Variants in FHIT observed in about 807,000 individuals in gnomAD.
The protein encoded by FHIT is bis(5'-adenosyl)-triphosphatase.
Under a neutral mutation model 17.9 loss-of-function variants are expected in FHIT, and 19 were observed. The observed-to-expected ratio is 1.06, with a 90% CI of 0.74 to 1.56. The LOEUF (loss-of-function observed/expected upper bound fraction) is 1.56, where lower values mean the gene tolerates loss of function less well. Ranked by LOEUF, FHIT falls within the 40% of genes most tolerant of loss-of-function variation. The pLI, the probability that FHIT is intolerant of heterozygous loss-of-function variation, is 0.00. For missense variants in FHIT, 248 were observed against 189.2 expected (o/e 1.31, Z -1.82); for synonymous variants, 81 against 69.7 (o/e 1.16, Z -0.81).
At chr3:60,485,184 A>G (rs1576739900) in intron 5 of FHIT, among the ~76,000 whole-genome samples, 1 of 152,196 alleles carries the variant, frequency 6.6e-6, no homozygotes, top group African/African-American at 2.4e-5. Flanking sequence ...GAGAAATTAG[A>G]ATGCTTTTAC....
At chr3:60,923,991 G>C (rs1165241067) in intron 3 of FHIT, among the ~76,000 whole-genome samples, 2 of 152,182 alleles carry the variant, frequency 1.3e-5, no homozygotes, top group Admixed American at 1.3e-4. Context: ...CAAAGTGTAA[G>C]GCGGCAGCGA....
intron 5 of FHIT, among the ~76,000 whole-genome samples, chr3:60,491,106 T>G (rs1194479726): frequency 2.0e-5 from 3 of 152,178 alleles, no homozygotes; most frequent in Non-Finnish European, 4.4e-5. Context: ...AGTTGTGCAT[T>G]AGAAACAGGT....
intron 4 of FHIT, among the ~76,000 whole-genome samples, chr3:60,564,489 C>G (rs1382896986): frequency 1.3e-5 from 2 of 152,102 alleles, no homozygotes; most frequent in African/African-American, 2.4e-5. Flanking sequence ...TCTGATGGAT[C>G]TGGGCAAAGT....
At chr3:60,532,694 C>G (rs374787762) in intron 5 of FHIT, among the ~76,000 whole-genome samples, 1 of 152,202 alleles carries the variant, frequency 6.6e-6, no homozygotes, top group Non-Finnish European at 1.5e-5. Flanking sequence ...GGAACAGAAG[C>G]GTTTGCTTCA....
intron 4 of FHIT, among the ~76,000 whole-genome samples, chr3:60,563,965 C>G (rs1243941508): frequency 1.3e-5 from 2 of 152,144 alleles, no homozygotes; most frequent in African/African-American, 4.8e-5. Context: ...ACAAAACAGC[C>G]TTCTATTGGA....
chr3:60,399,061 T>A (rs1012685952), intron 5 of FHIT, among the ~76,000 whole-genome samples: 7 of 152,202 alleles, frequency 4.6e-5, no homozygotes, highest in Admixed American at 4.6e-4. Context: ...ATAATCAGTC[T>A]CTTTTAGAAT....
chr3:61,141,313 A>G (rs1576091963), intron 2 of FHIT, among the ~76,000 whole-genome samples: 1 of 152,120 alleles, frequency 6.6e-6, no homozygotes, highest in East Asian at 1.9e-4. Flanking sequence ...GCTTTATCCA[A>G]GTAGAATGTA....
intron 5 of FHIT, among the ~76,000 whole-genome samples, chr3:60,228,158 C>T (rs765067166): frequency 7.9e-5 from 12 of 152,096 alleles, no homozygotes; most frequent in African/African-American, 1.7e-4. Context: ...GTACGGCAGA[C>T]CTTTATCTCA....
chr3:60,153,982 A>G (rs1700576150), intron 5 of FHIT, among the ~76,000 whole-genome samples: 2 of 152,260 alleles, frequency 1.3e-5, no homozygotes, highest in South Asian at 4.1e-4. Flanking sequence ...AAACAAAGTT[A>G]TGATTGACTA....
At chr3:60,898,887 T>G (rs1705962059) in intron 3 of FHIT, among the ~76,000 whole-genome samples, 1 of 152,236 alleles carries the variant, frequency 6.6e-6, no homozygotes, top group South Asian at 2.1e-4. Flanking sequence ...ATCAGGGCTG[T>G]ACCAATTAAA....
At chr3:60,823,168 C>T (rs1232216245) in intron 3 of FHIT, among the ~76,000 whole-genome samples, 2 of 152,086 alleles carry the variant, frequency 1.3e-5, no homozygotes, top group African/African-American at 2.4e-5. Context: ...ATGCTGCCTA[C>T]CTTCTGGTAG....
intron 4 of FHIT, among the ~76,000 whole-genome samples, chr3:60,632,688 C>A (rs2039477428): frequency 6.6e-6 from 1 of 152,142 alleles, no homozygotes; most frequent in Admixed American, 6.5e-5. Context: ...ATGGGAAGGA[C>A]ATACTTCTTA....
intron 8 of FHIT, among the ~76,000 whole-genome samples, chr3:59,811,497 A>G (rs1007444395): frequency 1.3e-5 from 2 of 152,238 alleles, no homozygotes; most frequent in African/African-American, 4.8e-5. Context: ...CAGACTTTAG[A>G]AACAGTTGGG....
intron 2 of FHIT, among the ~76,000 whole-genome samples, chr3:61,086,721 A>G (rs1176589014): frequency 6.6e-6 from 1 of 151,994 alleles, no homozygotes; most frequent in African/African-American, 2.4e-5. Context: ...TGGCTTTTCT[A>G]GTTATTCTCT....
At chr3:60,088,091 T>A (rs576557525) in intron 5 of FHIT, among the ~76,000 whole-genome samples, 13 of 152,190 alleles carry the variant, frequency 8.5e-5, no homozygotes, top group African/African-American at 1.7e-4. Context: ...AGCTTATGTA[T>A]GGAGAGATCA....
At chr3:59,991,878 G>C (rs2107474224) in intron 7 of FHIT, among the ~76,000 whole-genome samples, 1 of 152,134 alleles carries the variant, frequency 6.6e-6, no homozygotes, top group South Asian at 2.1e-4. Flanking sequence ...AGAGTCTTGA[G>C]TCCCTGGATC....
At chr3:59,810,609 T>C (rs1184927146) in intron 8 of FHIT, among the ~76,000 whole-genome samples, 1 of 152,220 alleles carries the variant, frequency 6.6e-6, no homozygotes, top group Non-Finnish European at 1.5e-5. Context: ...AATGCCTTTA[T>C]GTTCTGATAT....
chr3:60,875,916 CTTA>C (rs2107096042), intron 3 of FHIT, among the ~76,000 whole-genome samples: 1 of 124,622 alleles, frequency 8.0e-6, no homozygotes. Flanking sequence ...CTAAGGAAAA[CTTA>C]TTCATGTGTG....
chr3:60,682,507 T>C (rs372604234), intron 4 of FHIT, among the ~76,000 whole-genome samples: 1 of 152,210 alleles, frequency 6.6e-6, no homozygotes, highest in African/African-American at 2.4e-5. Flanking sequence ...TCATGTTCTC[T>C]GAAAAGAAAC....
Sources: gnomAD v4.1 joint callset for allele counts (sites outside exome capture counted in the v4.1 genomes callset) on GRCh38, gnomAD v4.1.1 for gene constraint, MANE v1.5 for transcripts, NCBI Gene and HGNC (gene_info 2026-07-23, HGNC 2026-07-21) for gene names.